The following GRHL2 variants were observed in gnomAD, a reference collection of about 807,000 sequenced individuals.
GRHL2 encodes grainyhead-like protein 2 homolog.
In GRHL2, 21 loss-of-function variants were observed where a neutral mutation model predicts 83.8. The ratio of observed to expected loss-of-function variants is 0.25; its 90% CI spans 0.18 to 0.36. The LOEUF is 0.36. Among genes scored for constraint, GRHL2 ranks in the 10% least tolerant of loss-of-function variants. The pLI, the probability that GRHL2 is intolerant of heterozygous loss-of-function variation, is 1.00. For missense variants in GRHL2, 623 were observed against 781.8 expected, an observed-to-expected ratio of 0.80 and a Z score of 2.42; for synonymous variants, 280 against 278.9, an observed-to-expected ratio of 1.00 and a Z score of -0.04.
chr8:101,651,031 T>C (rs1451938205), intron 14 of GRHL2, among the ~76,000 whole-genome samples: 1 of 152,172 alleles, frequency 6.6e-6, no homozygotes, highest in Non-Finnish European at 1.5e-5. Flanking sequence ...TGTTACTGGA[T>C]CTGCCTCACA....
rs556986627 is a variant in GRHL2, at chr8:101,652,467, G to GGTGTGT, written c.1698+2974_1698+2979dup. Among the ~76,000 whole-genome samples the GGTGTGT allele has an allele frequency of 2.7e-4, 8 of 29,318 alleles. No individual in the cohort carries two copies. The East Asian group carries it at 6.6e-3, about 24-fold the overall frequency. 19.2% of individuals were successfully genotyped at this position (29,318 alleles called of 152,430 possible). ...TGTGTGGTGTGTGTCTGGTGTGTGTGGTGTGTGTGTGGTATGTGTGTATGT... is the reference window on the plus strand; with the variant it reads ...TGTGTGGTGTGTGTCTGGTGTGTGTGGTGTGTGTGTGTGTGTGGTATGTGTGTATGT... On this transcript the variant is annotated intron_variant, in intron 14 of 15. Coordinates refer to ENST00000646743, the MANE Select transcript of GRHL2 (RefSeq NM_024915.4).
At chr8:101,493,148 G>A (rs1247864415) in intron 1 of GRHL2, among the ~76,000 whole-genome samples, 1 of 152,020 alleles carries the variant, frequency 6.6e-6, no homozygotes, top group Non-Finnish European at 1.5e-5. Context: ...TGTTTTAGCT[G>A]CTCCCACCGA....
intron 9 of GRHL2, among the ~76,000 whole-genome samples, chr8:101,625,581 T>C (rs1378561091): frequency 1.3e-5 from 2 of 152,120 alleles, no homozygotes; most frequent in East Asian, 1.9e-4. Context: ...AGCAGTTGTT[T>C]CCTGAAGTCA....
At chr8:101,573,863 C>A (rs202043373) in intron 6 of GRHL2, 39 bp downstream of exon 6, 1 of 1,609,110 alleles carries the variant, frequency 6.2e-7, no homozygotes, top group South Asian at 1.1e-5. Flanking sequence ...CAAAGGAATC[C>A]GATGAACGGA....
intron 1 of GRHL2, among the ~76,000 whole-genome samples, chr8:101,499,711 T>C (rs757888744): frequency 3.3e-5 from 5 of 152,176 alleles, no homozygotes; most frequent in Non-Finnish European, 7.4e-5. Flanking sequence ...TCACTCATGA[T>C]CCCTGGCATT....
chr8:101,554,130 C>T (rs918256252), intron 3 of GRHL2, among the ~76,000 whole-genome samples: 1 of 152,188 alleles, frequency 6.6e-6, no homozygotes, highest in African/African-American at 2.4e-5. Flanking sequence ...GCAGGGGCCT[C>T]TCCACCAACC....
intron 1 of GRHL2, among the ~76,000 whole-genome samples, chr8:101,515,176 GCACACACACACACACA>G (rs4002325): frequency 4.2e-5 from 6 of 144,548 alleles, no homozygotes; most frequent in African/African-American, 7.8e-5. Context: ...CTGTCTCTCT[GCACACACACACACACA>G]CACACACACA....
At chr8:101,522,050 T>C (rs779637732) in intron 1 of GRHL2, among the ~76,000 whole-genome samples, 100 of 152,164 alleles carry the variant, frequency 6.6e-4, no homozygotes, top group Non-Finnish European at 1.3e-3. Flanking sequence ...TAATTTTGGT[T>C]TTGTCCTCAT....
Position 101,666,726 on chromosome 8 carries a change from G to C in GRHL2, c.*23G>C, listed in dbSNP as rs764813792. 7 of 1,450,872 alleles carry C rather than the reference G, an allele frequency of 4.8e-6. No homozygotes were observed. In the African/African-American group the frequency reaches 8.4e-5, roughly 17 times the overall value. The allele number at this position is 1,450,872 out of a possible 1,614,324, so 89.9% of individuals were successfully genotyped here. A position where few individuals can be genotyped will look rare whatever the true frequency, so the allele number is the denominator to read the frequency against. ...TAGCCCTGGGTTTGGCATCCGCTTT[G>C]GCTGGAGCTCTCAGTGCGTTCCTCC... On this transcript the variant is annotated 3_prime_UTR_variant, in exon 16 of 16. Coordinates refer to ENST00000646743, the MANE Select transcript of GRHL2 (RefSeq NM_024915.4).
Position 101,573,831 on chromosome 8 carries a change from G to A in GRHL2, c.891+7G>A, listed in dbSNP as rs761014935. The A allele has an allele frequency of 1.7e-5, 27 of 1,613,998 alleles. No homozygotes were observed. The highest frequency in any genetic ancestry group is 2.2e-5 in the Non-Finnish European group (26 of 1,180,000). On this transcript the variant is annotated splice_region_variant and intron_variant, in intron 6 of 15. Transcript: ENST00000646743. The stretch of plus-strand genomic sequence containing the variant: ...CCCCATCAGCAAAGTCAGGGTAGGG[G>A]CCACATTTCTCAGATAAAGTACAAA...
chr8:101,673,098 C>T (rs996672753), downstream of GRHL2, among the ~76,000 whole-genome samples: 1 of 151,106 alleles, frequency 6.6e-6, no homozygotes, highest in Non-Finnish European at 1.5e-5. Context: ...GCTGCAAAAT[C>T]ATGCCAAAAT....
intron 12 of GRHL2, among the ~76,000 whole-genome samples, chr8:101,643,071 G>C (rs866051873): frequency 6.6e-6 from 1 of 152,036 alleles, no homozygotes; most frequent in African/African-American, 2.4e-5. Flanking sequence ...ATTTCTTCAC[G>C]TGCCTGGTCC....
chr8:101,557,350 G>A (rs1265705763), intron 3 of GRHL2, among the ~76,000 whole-genome samples: 5 of 149,862 alleles, frequency 3.3e-5, no homozygotes, highest in African/African-American at 4.9e-5. Context: ...TCAGCCTCCC[G>A]AGTAGCTGGG....
Position 101,543,529 on chromosome 8 carries a change from G to A in GRHL2, c.216+93G>A, listed in dbSNP as rs75832357. The A allele has an allele frequency of 6.2e-4, 711 of 1,154,670 alleles. 4 individuals are homozygous for A. In the African/African-American group the frequency reaches 9.7e-3, roughly 16 times the overall value. The allele number at this position is 1,154,670 out of a possible 1,614,324, so 71.5% of individuals were successfully genotyped here. On this transcript the variant is annotated intron_variant, in intron 2 of 15. Transcript: ENST00000646743. ...GAACAGATTGTTTGTCCCAGGCCAG[G>A]GAACTAATAGCATTTCCAAAGTCAA...
chr8:101,666,667 G>A lies in GRHL2; in HGVS notation c.1842G>A (p.Met614Ile). The A allele has an allele frequency of 1.2e-6, 2 of 1,613,432 alleles. No homozygotes were observed. The highest frequency in any genetic ancestry group is 1.1e-5 in the South Asian group (1 of 91,052). ...EDTFILNMES[M>I]VEGFKVTLME... ...CCTTCATCCTCAACATGGAGAGCAT[G>A]GTGGAGGGCTTCAAGGTCACGCTCA... Residue 614 changes from methionine (M) to isoleucine (I), a missense_variant, in exon 16 of 16, where the codon ATG becomes ATA. This residue lies in a region of GRHL2 where 210 missense variants were observed against 254.8 expected (regional missense o/e 0.82). Coordinates refer to ENST00000646743, the MANE Select transcript of GRHL2 (RefSeq NM_024915.4).
At chr8:101,659,061 T>C (rs973623250) in intron 14 of GRHL2, among the ~76,000 whole-genome samples, 7 of 152,218 alleles carry the variant, frequency 4.6e-5, no homozygotes, top group African/African-American at 1.7e-4. Context: ...ACTGGTTATA[T>C]TGATATTTAT....
At chr8:101,584,898 G>A (rs1038188314) in intron 7 of GRHL2, among the ~76,000 whole-genome samples, 3 of 152,082 alleles carry the variant, frequency 2.0e-5, no homozygotes, top group Non-Finnish European at 4.4e-5. Context: ...TGGTCAGGTG[G>A]TCAAGTGGCC....
intron 2 of GRHL2, among the ~76,000 whole-genome samples, chr8:101,546,427 T>C (rs1175333401): frequency 6.6e-6 from 1 of 151,880 alleles, no homozygotes; most frequent in Non-Finnish European, 1.5e-5. Context: ...TTTTTTTTTT[T>C]TAGACAGAGT....
At chr8:101,584,405 T>C (rs964947612) in intron 7 of GRHL2, among the ~76,000 whole-genome samples, 1 of 152,206 alleles carries the variant, frequency 6.6e-6, no homozygotes, top group African/African-American at 2.4e-5. Flanking sequence ...TTCTTCACGT[T>C]TGATTCTCCA....
Sources: gnomAD v4.1 joint callset for allele counts (sites outside exome capture counted in the v4.1 genomes callset) on GRCh38, gnomAD v4.1.1 for gene constraint, gnomAD v4.1.1 regional missense constraint, MANE v1.5 for transcripts, NCBI Gene and HGNC (gene_info 2026-07-23, HGNC 2026-07-21) for gene names.